Variants in ANKS1B observed in about 807,000 individuals in gnomAD.
The protein encoded by ANKS1B is ankyrin repeat and sterile alpha motif domain-containing protein 1B.
A neutral mutation model predicts 148.3 loss-of-function variants in ANKS1B; 36 were observed. The observed-to-expected ratio is 0.24, with a 90% CI of 0.19 to 0.32. The LOEUF (loss-of-function observed/expected upper bound fraction) is 0.32, where lower values mean the gene tolerates loss of function less well. Among genes scored for constraint, ANKS1B ranks in the 10% least tolerant of loss-of-function variants. The probability of loss-of-function intolerance (pLI) is 1.00; values close to 1 mark genes in which losing one functional copy is unlikely to be tolerated. For synonymous variants in ANKS1B, 542 were observed against 560.8 expected (o/e 0.97, Z 0.47); for missense variants, 1,157 against 1,542.6 (o/e 0.75, Z 4.19).
intron 14 of ANKS1B, among the ~76,000 whole-genome samples, chr12:99,180,519 G>A (rs1041829454): frequency 6.6e-6 from 1 of 151,646 alleles, no homozygotes; most frequent in Admixed American, 6.6e-5. Context: ...GAGACTCACT[G>A]TTGGAGGTTT....
chr12:99,891,721 A>G (rs1009140301), intron 1 of ANKS1B, among the ~76,000 whole-genome samples: 1 of 152,238 alleles, frequency 6.6e-6, no homozygotes, highest in Non-Finnish European at 1.5e-5. Context: ...AAATTTAAAC[A>G]TTCAAAGGAT....
chr12:99,910,507 T>A (rs2153786348), intron 1 of ANKS1B, among the ~76,000 whole-genome samples: 1 of 152,278 alleles, frequency 6.6e-6, no homozygotes, highest in South Asian at 2.1e-4. Flanking sequence ...TAGGCAAATC[T>A]ATTGAAACAG....
intron 9 of ANKS1B, among the ~76,000 whole-genome samples, chr12:99,533,156 TAAG>T (rs981894699): frequency 4.6e-5 from 7 of 152,226 alleles, no homozygotes; most frequent in Admixed American, 1.3e-4. Flanking sequence ...TTCCAATCCA[TAAG>T]AATAGGATGT....
At chr12:99,726,758 G>A (rs1002976455) in intron 8 of ANKS1B, among the ~76,000 whole-genome samples, 1 of 152,014 alleles carries the variant, frequency 6.6e-6, no homozygotes, top group South Asian at 2.1e-4. Flanking sequence ...CTGGCAAACC[G>A]AATCCAGCAG....
chr12:99,089,648 T>G (rs112447327), intron 15 of ANKS1B, among the ~76,000 whole-genome samples: 2 of 152,326 alleles, frequency 1.3e-5, no homozygotes, highest in African/African-American at 4.8e-5. Context: ...ATGTAGTTAT[T>G]CATGTGCCTC....
At chr12:99,573,609 T>C (rs893018455) in intron 9 of ANKS1B, among the ~76,000 whole-genome samples, 6 of 152,036 alleles carry the variant, frequency 3.9e-5, no homozygotes, top group African/African-American at 1.4e-4. Flanking sequence ...TGGGGGAAAA[T>C]TAAGTTTCCT....
chr12:99,637,526 A>T (rs1255532435), intron 9 of ANKS1B, among the ~76,000 whole-genome samples: 2 of 152,064 alleles, frequency 1.3e-5, no homozygotes, highest in Non-Finnish European at 2.9e-5. Context: ...GGAAAGGCAG[A>T]CCCACCCTTA....
At chr12:99,132,085 C>A (rs2066285722) in intron 15 of ANKS1B, among the ~76,000 whole-genome samples, 1 of 152,160 alleles carries the variant, frequency 6.6e-6, no homozygotes, top group Admixed American at 6.5e-5. Flanking sequence ...CCTTCCAGCA[C>A]CGCCTCATGG....
chr12:99,902,369 C>T (rs1167005154), intron 1 of ANKS1B, among the ~76,000 whole-genome samples: 1 of 152,148 alleles, frequency 6.6e-6, no homozygotes, highest in African/African-American at 2.4e-5. Flanking sequence ...TAAAATAACA[C>T]AAGACGACAT....
chr12:99,879,993 G>A (rs1184785328), intron 1 of ANKS1B, among the ~76,000 whole-genome samples: 1 of 152,144 alleles, frequency 6.6e-6, no homozygotes, highest in Non-Finnish European at 1.5e-5. Context: ...TGAGCTCTGA[G>A]GTCAGATTGC....
intron 14 of ANKS1B, among the ~76,000 whole-genome samples, chr12:99,181,541 T>C (rs2079111662): frequency 6.6e-6 from 1 of 152,150 alleles, no homozygotes; most frequent in Non-Finnish European, 1.5e-5. Flanking sequence ...CAAGAGAAAA[T>C]ATTCCTTTTC....
intron 1 of ANKS1B, among the ~76,000 whole-genome samples, chr12:99,847,306 G>C (rs909449053): frequency 2.0e-5 from 3 of 151,884 alleles, no homozygotes; most frequent in Non-Finnish European, 4.4e-5. Context: ...TCTTTCTCCT[G>C]CTCCCCTTTC....
At chr12:98,737,071 T>G (rs1277346352) in intron 9 of ANKS1B, among the ~76,000 whole-genome samples, 1 of 152,204 alleles carries the variant, frequency 6.6e-6, no homozygotes, top group African/African-American at 2.4e-5. Flanking sequence ...CCTGAAGCAC[T>G]TATCTCATTG....
intron 9 of ANKS1B, among the ~76,000 whole-genome samples, chr12:99,542,587 A>G (rs538657348): frequency 3.8e-4 from 58 of 152,248 alleles, no homozygotes; most frequent in African/African-American, 1.3e-3. Context: ...TTATATGGAA[A>G]CAGAAGGAAC....
intron 12 of ANKS1B, among the ~76,000 whole-genome samples, chr12:99,250,372 A>T (rs576164728): frequency 6.6e-6 from 1 of 152,364 alleles, no homozygotes; most frequent in Non-Finnish European, 1.5e-5. Flanking sequence ...GGAATTAGCT[A>T]GCCCCAGGAG....
At chr12:99,127,501 A>G (rs2064757941) in intron 15 of ANKS1B, among the ~76,000 whole-genome samples, 1 of 152,240 alleles carries the variant, frequency 6.6e-6, no homozygotes, top group Non-Finnish European at 1.5e-5. Flanking sequence ...AAGGTACATA[A>G]TGCTGTATCC....
intron 4 of ANKS1B, among the ~76,000 whole-genome samples, chr12:99,797,550 A>C (rs938211686): frequency 2.0e-5 from 3 of 151,710 alleles, no homozygotes; most frequent in Non-Finnish European, 2.9e-5. Context: ...TAATCATTTA[A>C]AAAAAACAAA....
At chr12:99,238,756 T>A (rs1208576641) in intron 14 of ANKS1B, among the ~76,000 whole-genome samples, 1 of 152,052 alleles carries the variant, frequency 6.6e-6, no homozygotes, top group Non-Finnish European at 1.5e-5. Context: ...CCTCTACTAG[T>A]GATACCCAGG....
chr12:99,857,976 G>A (rs144208928), intron 1 of ANKS1B, among the ~76,000 whole-genome samples: 1 of 152,220 alleles, frequency 6.6e-6, no homozygotes, highest in East Asian at 1.9e-4. Flanking sequence ...ATCAGCTTAG[G>A]CAAAGCTTTC....
Sources: gnomAD v4.1 joint callset for allele counts (sites outside exome capture counted in the v4.1 genomes callset) on GRCh38, gnomAD v4.1.1 for gene constraint, MANE v1.5 for transcripts, NCBI Gene and HGNC (gene_info 2026-07-23, HGNC 2026-07-21) for gene names.